The following MPHOSPH6 variants were observed in gnomAD, a reference collection of about 807,000 sequenced individuals.
The protein encoded by MPHOSPH6 is M-phase phosphoprotein 6.
MPHOSPH6 carries 25 observed loss-of-function variants against 21.8 expected under a neutral mutation model. That is an observed-to-expected ratio of 1.15 (90% CI 0.83 to 1.60). The LOEUF is 1.60. Among genes scored for constraint, MPHOSPH6 ranks in the 40% most tolerant of loss-of-function variants. The probability of loss-of-function intolerance (pLI) is 0.00; values close to 1 mark genes in which losing one functional copy is unlikely to be tolerated. For missense variants in MPHOSPH6, 269 were observed against 181.8 expected, an observed-to-expected ratio of 1.48 and a Z score of -2.76; for synonymous variants, 84 against 56.5, an observed-to-expected ratio of 1.49 and a Z score of -2.18.
At chr16:82,157,691 G>A (rs571826655) in intron 2 of MPHOSPH6, among the ~76,000 whole-genome samples, 4 of 152,234 alleles carry the variant, frequency 2.6e-5, no homozygotes, top group African/African-American at 4.8e-5. Flanking sequence ...GAGGAGAGGC[G>A]TCTTTTAAAA....
intron 2 of MPHOSPH6, among the ~76,000 whole-genome samples, chr16:82,161,440 G>A (rs940425486): frequency 6.6e-6 from 1 of 152,024 alleles, no homozygotes; most frequent in African/African-American, 2.4e-5. Context: ...TAAACAACTT[G>A]CTACGGCAAA....
At chr16:82,148,947 G>A (rs1457708867) in intron 4 of MPHOSPH6, 84 bp from the exon 5 acceptor site, 26 of 1,482,730 alleles carry the variant, frequency 1.8e-5, no homozygotes, top group South Asian at 2.6e-5. Flanking sequence ...GACCAAATAT[G>A]CAATAAAAAA....
intron 2 of MPHOSPH6, among the ~76,000 whole-genome samples, chr16:82,153,283 T>TATGG (rs1469553458): frequency 2.0e-5 from 3 of 152,178 alleles, no homozygotes; most frequent in Admixed American, 6.5e-5. Context: ...GAGTAATTGG[T>TATGG]ATGGAACTAG....
intron 2 of MPHOSPH6, among the ~76,000 whole-genome samples, chr16:82,154,014 T>A (rs1375613584): frequency 1.3e-5 from 2 of 151,968 alleles, no homozygotes; most frequent in East Asian, 3.9e-4. Context: ...GATCTGTAAT[T>A]TACTCATATA....
At chr16:82,156,270 A>T (rs1597161259) in intron 2 of MPHOSPH6, among the ~76,000 whole-genome samples, 1 of 152,214 alleles carries the variant, frequency 6.6e-6, no homozygotes, top group Non-Finnish European at 1.5e-5. Context: ...TGTCTCAAAA[A>T]AACCCTAGAA....
Position 82,151,426 on chromosome 16 carries a change from C to G in MPHOSPH6, c.253G>C (p.Glu85Gln), listed in dbSNP as rs148973478. ...MSFRGFNPEV[E>Q]KLMLQMNAKH... ...TTTGAAGCAATTATATTTAATACCTCAACCTCAGGATTAAATCCTCTGAAT... is the reference window on the plus strand; with the variant it reads ...TTTGAAGCAATTATATTTAATACCTGAACCTCAGGATTAAATCCTCTGAAT... The change falls in exon 3 of 5, where the codon GAG becomes CAG. Residue 85 changes from glutamate (E) to glutamine (Q), a missense_variant and splice_region_variant. Physicochemically the swap from Glu to Gln is conservative, Grantham distance 29 (BLOSUM62 2). Transcript: ENST00000258169. 5 of 1,605,436 alleles carry G rather than the reference C, an allele frequency of 3.1e-6. No individual in the cohort carries two copies. In the African/African-American group the frequency reaches 5.4e-5, roughly 17 times the overall value.
At chr16:82,157,650 C>T (rs1906469805) in intron 2 of MPHOSPH6, among the ~76,000 whole-genome samples, 2 of 152,022 alleles carry the variant, frequency 1.3e-5, no homozygotes, top group Non-Finnish European at 2.9e-5. Context: ...CACGTGCACA[C>T]AGTTTAAGGG....
intron 2 of MPHOSPH6, among the ~76,000 whole-genome samples, chr16:82,154,933 T>A (rs1314101512): frequency 6.6e-6 from 1 of 152,230 alleles, no homozygotes; most frequent in African/African-American, 2.4e-5. Flanking sequence ...TACAGTCTAA[T>A]ATCTTTTTTA....
intron 2 of MPHOSPH6, among the ~76,000 whole-genome samples, chr16:82,157,003 G>C (rs1236031101): frequency 6.6e-6 from 1 of 152,116 alleles, no homozygotes; most frequent in Non-Finnish European, 1.5e-5. Flanking sequence ...GTGAGCCGCG[G>C]TTGCGCCAGT....
chr16:82,157,130 T>C (rs1316243995), intron 2 of MPHOSPH6, among the ~76,000 whole-genome samples: 2 of 152,090 alleles, frequency 1.3e-5, no homozygotes, highest in Admixed American at 6.5e-5. Context: ...TTATTAGTCA[T>C]CAGGAAAATG....
chr16:82,158,657 AAAAT>A (rs1392329842), intron 2 of MPHOSPH6, among the ~76,000 whole-genome samples: 1 of 152,162 alleles, frequency 6.6e-6, no homozygotes, highest in Non-Finnish European at 1.5e-5. Flanking sequence ...CATTTTCTTG[AAAAT>A]AAATAAAGTG....
intron 3 of MPHOSPH6, chr16:82,151,072 T>TTAGAA (rs1906249322): frequency 6.0e-6 from 1 of 165,324 alleles, no homozygotes; most frequent in Non-Finnish European, 1.3e-5. Flanking sequence ...AAAGTAACAT[T>TTAGAA]TTTCCGTTAG....
intron 2 of MPHOSPH6, among the ~76,000 whole-genome samples, chr16:82,162,813 A>G (rs1366671046): frequency 1.3e-5 from 2 of 152,248 alleles, no homozygotes; most frequent in African/African-American, 4.8e-5. Context: ...TTACCTTCCC[A>G]GAAAGAAATG....
rs72835385 is a variant in MPHOSPH6 at position 82,153,872 on chromosome 16, G to A, written c.165-2358C>T. On this transcript the variant is annotated intron_variant, in intron 2 of 4. Coordinates refer to ENST00000258169, the MANE Select transcript of MPHOSPH6 (RefSeq NM_005792.2). ...ACAAAATCCAGATGTTAGTAGGCCT[G>A]GGATCCCTCCAGAAGCTTCCACGGT... Among the ~76,000 whole-genome samples, 1,125 of 152,226 alleles carry A rather than the reference G, an allele frequency of 7.4e-3. 9 individuals carry two copies. Among genetic ancestry groups the A allele is most frequent in the Non-Finnish European group, 0.012 (787 of 68,014 alleles).
intron 2 of MPHOSPH6, among the ~76,000 whole-genome samples, chr16:82,157,585 T>C (rs114862617): frequency 4.9e-4 from 75 of 152,258 alleles, no homozygotes; most frequent in African/African-American, 1.8e-3. Flanking sequence ...TCAAAACACA[T>C]ACAGCTGTAG....
chr16:82,153,631 T>C (rs1240849356), intron 2 of MPHOSPH6, among the ~76,000 whole-genome samples: 2 of 152,194 alleles, frequency 1.3e-5, no homozygotes. Flanking sequence ...CACTATGGAA[T>C]TCAGGACCTG....
chr16:82,149,083 C>A (rs1198955186), intron 4 of MPHOSPH6, among the ~76,000 whole-genome samples: 1 of 152,230 alleles, frequency 6.6e-6, no homozygotes, highest in African/African-American at 2.4e-5. Context: ...TAGAGATGTA[C>A]ATTTTAAAAT....
intron 2 of MPHOSPH6, among the ~76,000 whole-genome samples, chr16:82,156,339 T>C (rs1425443484): frequency 6.6e-6 from 1 of 152,220 alleles, no homozygotes; most frequent in Non-Finnish European, 1.5e-5. Context: ...AATATACTGA[T>C]GTCTGCAACT....
In MPHOSPH6 at chr16:82,164,208, C is replaced by T. The variant is rs6564993; in HGVS notation, c.52-14G>A. ...CCTTTGCATAAACTGTGAAAACAAA[C>T]AAAATCAATGTCAGAAACTTTTCCC... On this transcript the variant is annotated splice_polypyrimidine_tract_variant and intron_variant, in intron 1 of 4. Transcript: ENST00000258169. The T allele has an allele frequency of 6.5e-7, 1 of 1,545,048 alleles. No homozygotes were observed. Among genetic ancestry groups the T allele is most frequent in the Non-Finnish European group, 8.8e-7 (1 of 1,131,982 alleles).
Sources: gnomAD v4.1 joint callset for allele counts (sites outside exome capture counted in the v4.1 genomes callset) on GRCh38, gnomAD v4.1.1 for gene constraint, MANE v1.5 for transcripts, NCBI Gene and HGNC (gene_info 2026-07-23, HGNC 2026-07-21) for gene names.